SH3GL2: variants seen among roughly 807,000 people sequenced by gnomAD.
SH3GL2 encodes the protein endophilin-A1.
A neutral mutation model predicts 46.0 loss-of-function variants in SH3GL2; 24 were observed. The observed-to-expected ratio is 0.52, with a 90% CI of 0.38 to 0.73. The LOEUF (loss-of-function observed/expected upper bound fraction) is 0.73. SH3GL2 is among the 30% of genes least tolerant of loss of function. The pLI is 0.00. For synonymous variants in SH3GL2, 196 were observed against 147.1 expected (o/e 1.33, Z -2.40); for missense variants, 413 against 424.2 (o/e 0.97, Z 0.23).
chr9:17,628,582 GC>G, intron 1 of SH3GL2, among the ~76,000 whole-genome samples: 1 of 152,258 alleles, frequency 6.6e-6, no homozygotes, highest in South Asian at 2.1e-4. Flanking sequence ...AGAGTTAACA[GC>G]ATACATTTAG....
intron 3 of SH3GL2, among the ~76,000 whole-genome samples, chr9:17,762,186 C>G (rs1823195308): frequency 1.3e-5 from 2 of 152,120 alleles, no homozygotes; most frequent in African/African-American, 4.8e-5. Flanking sequence ...TCCTGTGTGT[C>G]AGTTTCTAAC....
chr9:17,692,331 A>G (rs931332525), intron 1 of SH3GL2, among the ~76,000 whole-genome samples: 2 of 151,780 alleles, frequency 1.3e-5, no homozygotes, highest in Admixed American at 1.3e-4. Context: ...AGAAACTATT[A>G]CATGTGCTTG....
At chr9:17,741,179 G>A (rs901788544) in intron 1 of SH3GL2, among the ~76,000 whole-genome samples, 6 of 151,950 alleles carry the variant, frequency 3.9e-5, no homozygotes, top group Admixed American at 2.0e-4. Flanking sequence ...AAGTAATTCT[G>A]TTTTAATATG....
intron 1 of SH3GL2, among the ~76,000 whole-genome samples, chr9:17,690,968 C>T (rs1256817770): frequency 6.6e-6 from 1 of 152,134 alleles, no homozygotes; most frequent in East Asian, 1.9e-4. Context: ...CTTCAAAAAC[C>T]TTACTACCGA....
intron 1 of SH3GL2, among the ~76,000 whole-genome samples, chr9:17,686,845 C>G (rs968284739): frequency 1.8e-4 from 26 of 147,964 alleles, no homozygotes; most frequent in African/African-American, 4.7e-4. Context: ...TGCTAGATGA[C>G]GAGTTAGTGG....
chr9:17,636,776 C>T (rs1485391856), intron 1 of SH3GL2, among the ~76,000 whole-genome samples: 1 of 152,230 alleles, frequency 6.6e-6, no homozygotes, highest in South Asian at 2.1e-4. Context: ...TTACCTAGTC[C>T]TTGGTTTAGT....
At chr9:17,783,414 G>A (rs1439324713) in intron 3 of SH3GL2, among the ~76,000 whole-genome samples, 5 of 151,294 alleles carry the variant, frequency 3.3e-5, no homozygotes, top group Non-Finnish European at 4.4e-5. Context: ...GGACAGACCA[G>A]GCAGTGACTC....
chr9:17,611,645 C>CATGAAAGT (rs1818870034), intron 1 of SH3GL2, among the ~76,000 whole-genome samples: 1 of 152,150 alleles, frequency 6.6e-6, no homozygotes, highest in African/African-American at 2.4e-5. Context: ...CCAGTGGATC[C>CATGAAAGT]CTGAGACATG....
At chr9:17,581,215 T>C (rs1818271279) in intron 1 of SH3GL2, among the ~76,000 whole-genome samples, 1 of 151,668 alleles carries the variant, frequency 6.6e-6, no homozygotes, top group East Asian at 2.0e-4. Context: ...GCGCTCCATT[T>C]CCGCTAAATC....
In SH3GL2 at chr9:17,582,700, A is replaced by G. The variant is rs144190826; in HGVS notation, c.45+3413A>G. Among the ~76,000 whole-genome samples the G allele has an allele frequency of 2.0e-3, 312 of 152,360 alleles. 1 individual carries two copies. The highest frequency in any genetic ancestry group is 7.4e-3 in the African/African-American group (306 of 41,592). On this transcript the variant is annotated intron_variant, in intron 1 of 8. Transcript: ENST00000380607. ...AAACTGAGTCGTTTCAACGACAGAA[A>G]TACATTGTTTCCCACTTCTTGAGAC...
At chr9:17,750,470 T>C (rs925930236) in intron 2 of SH3GL2, among the ~76,000 whole-genome samples, 2 of 152,156 alleles carry the variant, frequency 1.3e-5, no homozygotes, top group African/African-American at 2.4e-5. Flanking sequence ...GTCCCTTAGC[T>C]CTGCAGCCCT....
intron 1 of SH3GL2, among the ~76,000 whole-genome samples, chr9:17,707,192 T>C (rs1044431507): frequency 1.3e-5 from 2 of 152,036 alleles, no homozygotes; most frequent in African/African-American, 4.8e-5. Flanking sequence ...GACTCTCTGA[T>C]TCTCCATTTC....
intron 1 of SH3GL2, among the ~76,000 whole-genome samples, chr9:17,649,007 G>T (rs991458328): frequency 7.9e-5 from 12 of 152,216 alleles, no homozygotes. Context: ...GATGTTGTGT[G>T]TGAGTGCATG....
chr9:17,718,473 C>T (rs1276495566), intron 1 of SH3GL2, among the ~76,000 whole-genome samples: 1 of 152,078 alleles, frequency 6.6e-6, no homozygotes, highest in African/African-American at 2.4e-5. Flanking sequence ...CTGTAATTGC[C>T]ACACTTTGGG....
chr9:17,716,550 G>GTT (rs2118310563), intron 1 of SH3GL2, among the ~76,000 whole-genome samples: 1 of 152,294 alleles, frequency 6.6e-6, no homozygotes, highest in Non-Finnish European at 1.5e-5. Context: ...CCCCATGGCA[G>GTT]TGTGCTGAGT....
chr9:17,760,081 G>A (rs1231232730), intron 2 of SH3GL2, among the ~76,000 whole-genome samples: 26 of 152,142 alleles, frequency 1.7e-4, no homozygotes, highest in Non-Finnish European at 4.4e-5. Flanking sequence ...ACTCCAGGGG[G>A]CTACTGAGCA....
At chr9:17,763,885 C>G (rs10963256) in intron 3 of SH3GL2, among the ~76,000 whole-genome samples, 1 of 152,104 alleles carries the variant, frequency 6.6e-6, no homozygotes, top group Non-Finnish European at 1.5e-5. Context: ...AGGGTAGGCT[C>G]CATTTCATTT....
At chr9:17,787,651 A>C (rs1823999542) in intron 5 of SH3GL2, 138 bp downstream of exon 5, 1 of 649,258 alleles carries the variant, frequency 1.5e-6, no homozygotes, top group Non-Finnish European at 2.6e-6. Context: ...ACAACCCAGT[A>C]AGACAAAATG....
At chr9:17,746,617 G>A (rs1822694944) in intron 1 of SH3GL2, among the ~76,000 whole-genome samples, 1 of 152,128 alleles carries the variant, frequency 6.6e-6, no homozygotes, top group South Asian at 2.1e-4. Context: ...TTTCATAACA[G>A]TTTGATAGAT....
Sources: gnomAD v4.1 joint callset for allele counts (sites outside exome capture counted in the v4.1 genomes callset) on GRCh38, gnomAD v4.1.1 for gene constraint, MANE v1.5 for transcripts, NCBI Gene and HGNC (gene_info 2026-07-23, HGNC 2026-07-21) for gene names.